EPHA6: variants seen among roughly 807,000 people sequenced by gnomAD.
EPHA6 encodes the protein EPH receptor A6.
A neutral mutation model predicts 112.0 loss-of-function variants in EPHA6; 50 were observed. The ratio of observed to expected loss-of-function variants is 0.45; its 90% CI spans 0.36 to 0.56. The LOEUF (loss-of-function observed/expected upper bound fraction) is 0.56. EPHA6 is among the 20% of genes least tolerant of loss of function. The pLI, the probability that EPHA6 is intolerant of heterozygous loss-of-function variation, is 0.00. For synonymous variants in EPHA6, 529 were observed against 490.7 expected (o/e 1.08, Z -1.03); for missense variants, 1,280 against 1,417.4 (o/e 0.90, Z 1.56).
chr3:96,880,007 C>G (rs927855918), intron 2 of EPHA6, among the ~76,000 whole-genome samples: 1 of 151,868 alleles, frequency 6.6e-6, no homozygotes. Flanking sequence ...GTACAATGTA[C>G]GCTATTTGGG....
chr3:97,229,207 G>A (rs2078449953), intron 4 of EPHA6, among the ~76,000 whole-genome samples: 1 of 152,062 alleles, frequency 6.6e-6, no homozygotes. Flanking sequence ...CTGTGTGAAA[G>A]CTTTTTAGTT....
At chr3:97,526,163 A>T (rs958129911) in intron 10 of EPHA6, among the ~76,000 whole-genome samples, 7 of 152,162 alleles carry the variant, frequency 4.6e-5, no homozygotes, top group African/African-American at 1.7e-4. Context: ...GGGCCATTTA[A>T]AGATCCACAA....
intron 16 of EPHA6, among the ~76,000 whole-genome samples, chr3:97,738,640 G>C (rs751424043): frequency 6.6e-6 from 1 of 152,000 alleles, no homozygotes; most frequent in Non-Finnish European, 1.5e-5. Flanking sequence ...TTAGTGGGCT[G>C]TTCAGCAATC....
intron 11 of EPHA6, among the ~76,000 whole-genome samples, chr3:97,583,227 G>T (rs2093455686): frequency 6.6e-6 from 1 of 151,858 alleles, no homozygotes; most frequent in Non-Finnish European, 1.5e-5. Flanking sequence ...CACCTGAGGT[G>T]TAAAATGGTT....
intron 6 of EPHA6, among the ~76,000 whole-genome samples, chr3:97,437,684 G>A (rs2089922103): frequency 3.3e-5 from 5 of 151,850 alleles, no homozygotes. Flanking sequence ...TTTTGTTTTT[G>A]TAGAAACGGG....
At chr3:97,416,695 C>T (rs1470411427) in intron 6 of EPHA6, among the ~76,000 whole-genome samples, 3 of 152,094 alleles carry the variant, frequency 2.0e-5, no homozygotes, top group East Asian at 1.9e-4. Flanking sequence ...ATGTTTAGCA[C>T]TACAGATTCA....
rs140245894 is a variant in EPHA6, at chr3:97,005,942, C to A, written c.1114+17949C>A. On this transcript the variant is annotated intron_variant, in intron 3 of 17. Coordinates refer to ENST00000389672, the MANE Select transcript of EPHA6 (RefSeq NM_001080448.3). ...ATTTATCGATTTGGGTATGTTGAAC[C>A]AGCCTTGCATCCCAGGGATGAAGCT... Among the ~76,000 whole-genome samples, 5 of 152,182 alleles carry A rather than the reference C, an allele frequency of 3.3e-5. No homozygotes were observed. The East Asian group carries it at 9.6e-4, about 29-fold the overall frequency.
intron 14 of EPHA6, among the ~76,000 whole-genome samples, chr3:97,643,806 C>T (rs974526701): frequency 1.3e-5 from 2 of 151,112 alleles, no homozygotes; most frequent in African/African-American, 4.9e-5. Context: ...GAGTGACCTG[C>T]AAAGAGACTT....
intron 5 of EPHA6, among the ~76,000 whole-genome samples, chr3:97,329,618 C>T (rs1228588860): frequency 1.3e-4 from 19 of 150,244 alleles, no homozygotes; most frequent in East Asian, 2.0e-4. Flanking sequence ...ATGTCTTCTT[C>T]TGAGAAGTGT....
intron 9 of EPHA6, among the ~76,000 whole-genome samples, chr3:97,481,856 A>C (rs116673955): frequency 0.016 from 2,416 of 152,338 alleles, 74 homozygotes; most frequent in African/African-American, 0.055. Context: ...AACGCAGGGC[A>C]ACCTTAAGAT....
intron 5 of EPHA6, among the ~76,000 whole-genome samples, chr3:97,337,977 C>T (rs941654846): frequency 6.6e-6 from 1 of 152,096 alleles, no homozygotes; most frequent in Non-Finnish European, 1.5e-5. Flanking sequence ...AGATAACTCT[C>T]AGATTTCCAA....
intron 3 of EPHA6, 124 bp from the exon 4 acceptor site, chr3:97,226,139 TC>T (rs2078348395): frequency 1.5e-6 from 1 of 651,328 alleles, no homozygotes; most frequent in African/African-American, 1.9e-5. Context: ...AGATGTCTTC[TC>T]TATGTATGTG....
Position 96,866,843 on chromosome 3 carries a change from C to G in EPHA6, c.404C>G (p.Thr135Arg). The part of the protein sequence containing the change: ...SNNQVVLLDT[T>R]TVLGELGWKT... Reference sequence around the variant, plus strand: ...ATTCCAGTTGTGTTGCTTGATACAACAACTGTACTGGGAGAGCTAGGATGG... The same window carrying G: ...ATTCCAGTTGTGTTGCTTGATACAAGAACTGTACTGGGAGAGCTAGGATGG... Residue 135 changes from threonine to arginine, a missense_variant, in exon 2 of 18, where the codon ACA becomes AGA. Physicochemically the swap from Thr to Arg is moderately conservative, Grantham distance 71. Coordinates refer to ENST00000389672, the MANE Select transcript of EPHA6 (RefSeq NM_001080448.3). 1.3e-6 allele frequency: 2 copies of G among 1,483,688 alleles called. No homozygotes were observed. The highest frequency in any genetic ancestry group is 9.0e-7 in the Non-Finnish European group (1 of 1,113,982). 91.9% of individuals were successfully genotyped at this position (1,483,688 alleles called of 1,614,324 possible).
chr3:97,121,563 T>A (rs1281438027), intron 3 of EPHA6, among the ~76,000 whole-genome samples: 1 of 152,100 alleles, frequency 6.6e-6, no homozygotes, highest in African/African-American at 2.4e-5. Flanking sequence ...AAACTGTTTT[T>A]ACAAAACCAC....
intron 2 of EPHA6, among the ~76,000 whole-genome samples, chr3:96,912,980 G>A (rs2039295757): frequency 6.6e-6 from 1 of 151,976 alleles, no homozygotes; most frequent in Non-Finnish European, 1.5e-5. Context: ...CTAGTGGCAT[G>A]GTTTTTGAGG....
chr3:96,881,494 A>C (rs1294499171), intron 2 of EPHA6, among the ~76,000 whole-genome samples: 1 of 152,166 alleles, frequency 6.6e-6, no homozygotes, highest in African/African-American at 2.4e-5. Flanking sequence ...TCCGTGATTC[A>C]GTTATCTCCC....
rs561306302 is a variant in EPHA6 at position 97,530,279 on chromosome 3, G to A, written c.2201-2079G>A. ...AATATGTTGAAAGTTCCTATCAATT[G>A]GCACTTTTATGCATAAGAGAAAATC... On this transcript the variant is annotated intron_variant, in intron 10 of 17. Transcript: ENST00000389672. Among the ~76,000 whole-genome samples, 10 of 151,846 alleles carry A rather than the reference G, an allele frequency of 6.6e-5. No individual in the cohort carries two copies. The South Asian group carries it at 1.7e-3, about 25-fold the overall frequency.
At chr3:97,669,831 A>T (rs538600327) in intron 14 of EPHA6, among the ~76,000 whole-genome samples, 15 of 152,304 alleles carry the variant, frequency 9.8e-5, no homozygotes, top group African/African-American at 3.4e-4. Context: ...AACCTTCATA[A>T]ATATTCAGCA....
chr3:96,896,915 G>A (rs887905683), intron 2 of EPHA6, among the ~76,000 whole-genome samples: 6 of 151,878 alleles, frequency 4.0e-5, no homozygotes, highest in South Asian at 4.2e-4. Context: ...TCTTAAAAAA[G>A]TTACCACAAA....
Sources: allele counts gnomAD v4.1 joint callset (sites outside exome capture counted in the v4.1 genomes callset), GRCh38; gene constraint gnomAD v4.1.1; transcripts MANE v1.5; gene names NCBI Gene and HGNC (gene_info 2026-07-23, HGNC 2026-07-21).